Variants in HEXB observed in about 807,000 individuals in gnomAD.
HEXB encodes the protein hexosaminidase subunit beta.
In HEXB, 51 loss-of-function variants were observed where a neutral mutation model predicts 71.2. The ratio of observed to expected loss-of-function variants is 0.72; its 90% CI spans 0.57 to 0.90. The LOEUF is 0.90. Among genes scored for constraint, HEXB ranks in the 40% least tolerant of loss-of-function variants. The probability of loss-of-function intolerance (pLI) is 0.00; values close to 1 mark genes in which losing one functional copy is unlikely to be tolerated. For synonymous variants in HEXB, 266 were observed against 249.3 expected (o/e 1.07, Z -0.63); for missense variants, 617 against 677.0 (o/e 0.91, Z 0.98).
chr5:74,679,448 G>A (rs777997400), intron 1 of HEXB, among the ~76,000 whole-genome samples: 3 of 151,272 alleles, frequency 2.0e-5, no homozygotes, highest in Non-Finnish European at 4.4e-5. Flanking sequence ...TAACTAAGGA[G>A]ATTGCCAGCT....
In HEXB at chr5:74,713,559, TGAA is replaced by T; in HGVS notation, c.826_828del (p.Glu276del). ...CACCAAATGATGTCCGTATGGTGATTGAATATGCCAGATTACGAGGAATTCGAG... is the reference window on the plus strand; with the variant it reads ...CACCAAATGATGTCCGTATGGTGATTTATGCCAGATTACGAGGAATTCGAG... On this transcript the variant is annotated inframe_deletion, in exon 7 of 14. Coordinates refer to ENST00000261416, the MANE Select transcript of HEXB (RefSeq NM_000521.4). The T allele has an allele frequency of 6.2e-7, 1 of 1,612,498 alleles. No individual in the cohort carries two copies. The highest frequency in any genetic ancestry group is 8.5e-7 in the Non-Finnish European group (1 of 1,178,508).
chr5:74,657,133 G>C (rs1403472469), intron 1 of HEXB, among the ~76,000 whole-genome samples: 1 of 152,106 alleles, frequency 6.6e-6, no homozygotes, highest in East Asian at 1.9e-4. Context: ...CCAGACTGTT[G>C]GTGGGGAGGG....
At chr5:74,720,970 T>TTAA in intron 13 of HEXB, 148 bp from the exon 14 acceptor site, 2 of 832,296 alleles carry the variant, frequency 2.4e-6, no homozygotes, top group Non-Finnish European at 3.9e-6. Context: ...TTGAGTTGCT[T>TTAA]TAATTTTCTT....
chr5:74,674,300 A>G (rs1204909931), intron 1 of HEXB, among the ~76,000 whole-genome samples: 1 of 152,208 alleles, frequency 6.6e-6, no homozygotes, highest in Non-Finnish European at 1.5e-5. Flanking sequence ...AAGGTCATCA[A>G]TTAAGAAGAA....
intron 5 of HEXB, among the ~76,000 whole-genome samples, chr5:74,698,832 A>G (rs2112145096): frequency 6.6e-6 from 1 of 152,250 alleles, no homozygotes; most frequent in East Asian, 1.9e-4. Context: ...CCATAATTTC[A>G]TTTGCCAAAG....
At chr5:74,705,447 A>G in intron 6 of HEXB, 127 bp downstream of exon 6, 1 of 699,622 alleles carries the variant, frequency 1.4e-6, no homozygotes. Flanking sequence ...ATGGTTTTTA[A>G]TTTTTTTGGC....
At chr5:74,708,785 C>A (rs1179920432) in intron 6 of HEXB, among the ~76,000 whole-genome samples, 1 of 151,354 alleles carries the variant, frequency 6.6e-6, no homozygotes, top group Non-Finnish European at 1.5e-5. Flanking sequence ...CACCCAGATT[C>A]ATAAAGCAAG....
At chr5:74,692,787 G>A (rs570204489) in intron 2 of HEXB, among the ~76,000 whole-genome samples, 4 of 152,302 alleles carry the variant, frequency 2.6e-5, no homozygotes, top group East Asian at 1.9e-4. Context: ...TGTCTTTGCC[G>A]TGGCAAAGTC....
intron 1 of HEXB, among the ~76,000 whole-genome samples, chr5:74,674,829 C>T (rs949775777): frequency 6.6e-6 from 1 of 152,038 alleles, no homozygotes; most frequent in East Asian, 1.9e-4. Flanking sequence ...TTTATTTTCT[C>T]AGTTCTCTGT....
At chr5:74,642,931 A>G (rs886589121) in intron 1 of HEXB, among the ~76,000 whole-genome samples, 10 of 152,326 alleles carry the variant, frequency 6.6e-5, no homozygotes, top group East Asian at 3.9e-4. Flanking sequence ...GAAGAAAGGG[A>G]AAAAAAGCTG....
rs930869314 is a variant in HEXB, at chr5:74,696,386, G to C, written c.512-307G>C. Among the ~76,000 whole-genome samples, 4 of 152,218 alleles carry C rather than the reference G, an allele frequency of 2.6e-5. No homozygotes were observed. The South Asian group carries it at 6.2e-4, about 24-fold the overall frequency. ...ATGCCATAAATTTATTAAGGAACCA[G>C]TATTTTATTAAATTACTATTCTTCT... On this transcript the variant is annotated intron_variant, in intron 3 of 13. Transcript: ENST00000261416.
intron 1 of HEXB, among the ~76,000 whole-genome samples, chr5:74,687,494 A>G (rs1401166369): frequency 1.3e-5 from 2 of 152,190 alleles, no homozygotes; most frequent in Non-Finnish European, 1.5e-5. Flanking sequence ...CTAGTCACTC[A>G]TTTTTAAAAA....
chr5:74,659,199 T>C (rs1237201342), intron 1 of HEXB, among the ~76,000 whole-genome samples: 1 of 152,228 alleles, frequency 6.6e-6, no homozygotes, highest in Non-Finnish European at 1.5e-5. Context: ...AATTTTGAAA[T>C]TATTTCCCAG....
At chr5:74,695,427 TCTC>T (rs1749091628) in intron 3 of HEXB, among the ~76,000 whole-genome samples, 1 of 150,890 alleles carries the variant, frequency 6.6e-6, no homozygotes, top group South Asian at 2.1e-4. Context: ...ATGGTCTCGA[TCTC>T]CTGACCTCGT....
intron 5 of HEXB, among the ~76,000 whole-genome samples, chr5:74,699,785 T>G (rs1749216762): frequency 6.6e-6 from 1 of 152,060 alleles, no homozygotes; most frequent in South Asian, 2.1e-4. Context: ...ACATTTTAAC[T>G]TTTGGTATAT....
chr5:74,678,095 G>A (rs1471780315), intron 1 of HEXB, among the ~76,000 whole-genome samples: 5 of 152,002 alleles, frequency 3.3e-5, no homozygotes, highest in African/African-American at 9.7e-5. Flanking sequence ...TCAGGAGTTC[G>A]AGACCAGCCT....
chr5:74,652,229 CATT>C lies in HEXB; in HGVS notation c.-377+11674_-377+11676del, dbSNP rs1464672547. Among the ~76,000 whole-genome samples the C allele has an allele frequency of 6.6e-6, 1 of 152,166 alleles. No individual in the cohort carries two copies. ...AACAATCCCAGGAGGTAGATACTAT[CATT>C]ATCTCCATTTTGCTCATGAGGAAAC... On this transcript the variant is annotated intron_variant, in intron 1 of 13. Coordinates refer to the HEXB transcript ENST00000511181. The surrounding 1 kb of genome is among the most constrained non-coding windows in gnomAD (Gnocchi z 5.4).
At chr5:74,668,253 T>TGC in intron 1 of HEXB, among the ~76,000 whole-genome samples, 1 of 152,146 alleles carries the variant, frequency 6.6e-6, no homozygotes, top group Middle Eastern at 3.4e-3. Flanking sequence ...TGTGTGTGTG[T>TGC]GTGTGTTTCT....
chr5:74,647,318 G>A (rs1002410509), intron 1 of HEXB, among the ~76,000 whole-genome samples: 2 of 152,216 alleles, frequency 1.3e-5, no homozygotes, highest in African/African-American at 4.8e-5. Flanking sequence ...GCATGTCTGG[G>A]CATGAAGAAG....
Sources: allele counts gnomAD v4.1 joint callset (sites outside exome capture counted in the v4.1 genomes callset), GRCh38; gene constraint gnomAD v4.1.1; non-coding constraint Gnocchi (gnomAD v3.1); transcripts MANE v1.5; gene names NCBI Gene and HGNC (gene_info 2026-07-23, HGNC 2026-07-21).